The following CYP2C19 variants were observed in gnomAD, a reference collection of about 807,000 sequenced individuals.
CYP2C19 encodes cytochrome P450 2C19.
CYP2C19 carries 59 observed loss-of-function variants against 40.9 expected under a neutral mutation model. The observed-to-expected ratio is 1.44, with a 90% CI of 1.17 to 1.79. The LOEUF is 1.79. Ranked by LOEUF, CYP2C19 falls within the 40% of genes most tolerant of loss-of-function variation. The pLI, the probability that CYP2C19 is intolerant of heterozygous loss-of-function variation, is 0.00. For missense variants in CYP2C19, 754 were observed against 596.9 expected, an observed-to-expected ratio of 1.26 and a Z score of -2.74; for synonymous variants, 253 against 208.7, an observed-to-expected ratio of 1.21 and a Z score of -1.83.
At chr10:94,783,209 G>A (rs1452524947) in intron 5 of CYP2C19, among the ~76,000 whole-genome samples, 1 of 152,124 alleles carries the variant, frequency 6.6e-6, no homozygotes. Context: ...AAAATATTAT[G>A]TCATAGGATG....
At position 94,853,812 on chromosome 10, in the gene CYP2C19, C is replaced by A. The variant is rs1298852581; in HGVS notation, c.*898C>A. The stretch of plus-strand genomic sequence containing the variant: ...CTGCCTGCCTCAGCCTCCCAAAGTG[C>A]TGGGATTACAGGAGTGAGACACTGT... On this transcript the variant is annotated 3_prime_UTR_variant, in exon 9 of 9. Coordinates refer to ENST00000371321, the MANE Select transcript of CYP2C19 (RefSeq NM_000769.4). Among the ~76,000 whole-genome samples the A allele has an allele frequency of 6.6e-6, 1 of 152,078 alleles. No individual in the cohort carries two copies. The highest frequency in any genetic ancestry group is 1.5e-5 in the Non-Finnish European group (1 of 68,024).
intron 8 of CYP2C19, among the ~76,000 whole-genome samples, chr10:94,852,503 G>A (rs1254795594): frequency 6.6e-6 from 1 of 152,140 alleles, no homozygotes; most frequent in African/African-American, 2.4e-5. Flanking sequence ...TGAAGAGTAA[G>A]CATGTCCATT....
intron 5 of CYP2C19, among the ~76,000 whole-genome samples, chr10:94,786,963 G>A (rs898995330): frequency 4.6e-5 from 7 of 152,072 alleles, no homozygotes; most frequent in African/African-American, 1.7e-4. Flanking sequence ...GGACATATGA[G>A]CACATGTGTC....
At chr10:94,784,200 C>G (rs1774233058) in intron 5 of CYP2C19, among the ~76,000 whole-genome samples, 1 of 151,172 alleles carries the variant, frequency 6.6e-6, no homozygotes, top group Non-Finnish European at 1.5e-5. Context: ...GTTTTGGAGG[C>G]TCATCTAAGT....
rs182390399 is a variant in CYP2C19 at position 94,769,700 on chromosome 10, A to G, written c.169-5358A>G. ...TAACAATATCCTGTAATCCTTCATGAGCTTCAGGCCTTAAGGGATATTGCC... is the reference window on the plus strand; with the variant it reads ...TAACAATATCCTGTAATCCTTCATGGGCTTCAGGCCTTAAGGGATATTGCC... On this transcript the variant is annotated intron_variant, in intron 1 of 8. Coordinates refer to ENST00000371321, the MANE Select transcript of CYP2C19 (RefSeq NM_000769.4). Among the ~76,000 whole-genome samples the G allele has an allele frequency of 6.4e-3, 968 of 152,150 alleles. 9 individuals carry two copies. Among genetic ancestry groups the G allele is most frequent in the Non-Finnish European group, 9.9e-3 (672 of 67,998 alleles).
At chr10:94,765,842 T>A (rs1848233412) in intron 1 of CYP2C19, among the ~76,000 whole-genome samples, 1 of 152,082 alleles carries the variant, frequency 6.6e-6, no homozygotes, top group South Asian at 2.1e-4. Flanking sequence ...TTGTAGGGTG[T>A]AATTACACTG....
chr10:94,822,498 A>AT (rs1317170220), intron 6 of CYP2C19, among the ~76,000 whole-genome samples: 2 of 152,008 alleles, frequency 1.3e-5, no homozygotes, highest in Non-Finnish European at 2.9e-5. Context: ...AGTTGATTCC[A>AT]TTTTTTTGCT....
In CYP2C19 at chr10:94,854,960, G is replaced by C. The variant is rs186404729; in HGVS notation, c.*2046G>C. Among the ~76,000 whole-genome samples, 4 of 152,274 alleles carry C rather than the reference G, an allele frequency of 2.6e-5. No individual in the cohort carries two copies. The highest frequency in any genetic ancestry group is 4.4e-5 in the Non-Finnish European group (3 of 68,016). ...ATGAAAATGTATTAATGTAGTGTTA[G>C]TAGAGGTGTTGACAAACACCCATGG... is the stretch of plus-strand genomic sequence containing the variant. On this transcript the variant is annotated 3_prime_UTR_variant, in exon 9 of 9. Coordinates refer to ENST00000371321, the MANE Select transcript of CYP2C19 (RefSeq NM_000769.4).
At position 94,789,785 on chromosome 10, in the gene CYP2C19, C is replaced by A. The variant is rs537682529; in HGVS notation, c.819+7788C>A. Among the ~76,000 whole-genome samples, 5 of 152,204 alleles carry A rather than the reference C, an allele frequency of 3.3e-5. No homozygotes were observed. In the South Asian group the frequency reaches 8.3e-4, roughly 25 times the overall value. On this transcript the variant is annotated intron_variant, in intron 5 of 8. Coordinates refer to ENST00000371321, the MANE Select transcript of CYP2C19 (RefSeq NM_000769.4). ...TTTGAAGTCAGGTAGCATGATGCCT[C>A]CAGCTTTGTTCTTTTTGCTGAGGAT...
chr10:94,853,154 G>A lies in CYP2C19; in HGVS notation c.*240G>A. The stretch of plus-strand genomic sequence containing the variant: ...ATAATGCTGATACTTGTCTAATGTT[G>A]AGTTATTAACATATTATTATTAAAT... On this transcript the variant is annotated 3_prime_UTR_variant, in exon 9 of 9. Transcript: ENST00000371321. 3.9e-6 allele frequency: 2 copies of A among 515,600 alleles called. No homozygotes were observed. The highest frequency in any genetic ancestry group is 2.6e-5 in the South Asian group (1 of 39,152). The allele number at this position is 515,600 out of a possible 1,614,324, so 31.9% of individuals were successfully genotyped here.
intron 6 of CYP2C19, among the ~76,000 whole-genome samples, chr10:94,826,884 GT>G (rs1564678009): frequency 1.3e-5 from 2 of 152,022 alleles, no homozygotes; most frequent in African/African-American, 4.8e-5. Context: ...GTTGAATTTT[GT>G]CAAAGGCCTT....
At chr10:94,768,546 A>T (rs1407689269) in intron 1 of CYP2C19, among the ~76,000 whole-genome samples, 2 of 152,152 alleles carry the variant, frequency 1.3e-5, no homozygotes, top group African/African-American at 4.8e-5. Flanking sequence ...CTGATATCTA[A>T]GTAGGCAGTT....
chr10:94,771,716 C>G (rs1012135159), intron 1 of CYP2C19, among the ~76,000 whole-genome samples: 4 of 152,112 alleles, frequency 2.6e-5, no homozygotes, highest in Admixed American at 2.6e-4. Context: ...GCCCAGGAAC[C>G]TGCAACAGTC....
chr10:94,826,643 C>T (rs1849228249), intron 6 of CYP2C19, among the ~76,000 whole-genome samples: 1 of 152,228 alleles, frequency 6.6e-6, no homozygotes, highest in East Asian at 1.9e-4. Flanking sequence ...AATTGAATCC[C>T]CTTTATTTCC....
intron 3 of CYP2C19, among the ~76,000 whole-genome samples, chr10:94,779,371 ATAATT>A (rs1848452737): frequency 6.6e-6 from 1 of 152,136 alleles, no homozygotes. Flanking sequence ...AACCTTTTGT[ATAATT>A]TAATTTATTT....
In CYP2C19 at chr10:94,820,704, T is replaced by A. The variant is rs555003615; in HGVS notation, c.961+67T>A. ...TGTTGGGAAGGTGCTGCTAGTGTTC[T>A]CCTTTCTGTTTCTCTTAGAGAAGTT... On this transcript the variant is annotated intron_variant, in intron 6 of 8. Coordinates refer to ENST00000371321, the MANE Select transcript of CYP2C19 (RefSeq NM_000769.4). The A allele has an allele frequency of 2.5e-5, 40 of 1,587,416 alleles. No individual in the cohort carries two copies. In the South Asian group the frequency reaches 4.3e-4, roughly 17 times the overall value.
rs556994963 is a variant in CYP2C19, at chr10:94,781,956, C to T, written c.778C>T (p.Pro260Ser). 1 of 1,530,082 alleles carries T rather than the reference C, an allele frequency of 6.5e-7. No individual in the cohort carries two copies. Among genetic ancestry groups the T allele is most frequent in the South Asian group, 1.4e-5 (1 of 73,776 alleles). 94.8% of individuals were successfully genotyped at this position (1,530,082 alleles called of 1,614,324 possible). ...EHQESMDINNPRDFIDCFLIK... is the reference protein window; with the variant it reads ...EHQESMDINNSRDFIDCFLIK... ...CCAAGAATCGATGGACATCAACAAC[C>T]CTCGGGACTTTATTGATTGCTTCCT... Residue 260 changes from proline to serine, a missense_variant, in exon 5 of 9, where the codon CCT becomes TCT. Coordinates refer to ENST00000371321, the MANE Select transcript of CYP2C19 (RefSeq NM_000769.4).
Position 94,774,030 on chromosome 10 carries a change from T to C in CYP2C19, c.169-1028T>C, listed in dbSNP as rs1388143047. ...TTGGTACATTTTTACAGAGTGCTGA[T>C]TGGTGCATTTACAAACCTTTAGCTA... On this transcript the variant is annotated intron_variant, in intron 1 of 8. Coordinates refer to ENST00000371321, the MANE Select transcript of CYP2C19 (RefSeq NM_000769.4). 4 of 152,310 alleles carry C rather than the reference T, an allele frequency of 2.6e-5. No individual in the cohort carries two copies. The East Asian group carries it at 5.8e-4, about 22-fold the overall frequency. The allele number at this position is 152,310 out of a possible 1,614,324, so 9.4% of individuals were successfully genotyped here.
intron 5 of CYP2C19, among the ~76,000 whole-genome samples, chr10:94,810,173 C>T (rs1204226709): frequency 1.3e-5 from 2 of 152,030 alleles, no homozygotes; most frequent in Non-Finnish European, 2.9e-5. Flanking sequence ...AGCCACGTCG[C>T]CCGGCCTACA....
Sources: gnomAD v4.1 joint callset for allele counts (sites outside exome capture counted in the v4.1 genomes callset) on GRCh38, gnomAD v4.1.1 for gene constraint, MANE v1.5 for transcripts, NCBI Gene and HGNC (gene_info 2026-07-23, HGNC 2026-07-21) for gene names.